The following FHIT variants were observed in gnomAD, a reference collection of about 807,000 sequenced individuals.
The protein encoded by FHIT is bis(5'-adenosyl)-triphosphatase.
In FHIT, 19 loss-of-function variants were observed where a neutral mutation model predicts 17.9. That is an observed-to-expected ratio of 1.06 (90% CI 0.74 to 1.56). The LOEUF (loss-of-function observed/expected upper bound fraction) is 1.56, where lower values mean the gene tolerates loss of function less well. FHIT is among the 40% of genes most tolerant of loss of function. The probability of loss-of-function intolerance (pLI) is 0.00; values close to 1 mark genes in which losing one functional copy is unlikely to be tolerated. For synonymous variants in FHIT, 81 were observed against 69.7 expected, an observed-to-expected ratio of 1.16 and a Z score of -0.81; for missense variants, 248 against 189.2, an observed-to-expected ratio of 1.31 and a Z score of -1.82.
Position 59,803,466 on chromosome 3 carries a change from C to T in FHIT, c.349-51145G>A, listed in dbSNP as rs528968451. On this transcript the variant is annotated intron_variant, in intron 8 of 9. Transcript: ENST00000492590. Reference sequence around the variant, plus strand: ...CAGCTCCTGCTGCATTAACGGTCTCCGAATGTGATTTGGCGGCAGCACGGG... The same window carrying T: ...CAGCTCCTGCTGCATTAACGGTCTCTGAATGTGATTTGGCGGCAGCACGGG... Among the ~76,000 whole-genome samples, 18 of 152,284 alleles carry T rather than the reference C, an allele frequency of 1.2e-4. No homozygotes were observed. The South Asian group carries it at 2.5e-3, about 21-fold the overall frequency.
intron 4 of FHIT, chr3:60,730,070 CA>C: frequency 4.0e-6 from 2 of 502,264 alleles, no homozygotes; most frequent in South Asian, 1.6e-5. Context: ...CTCTGGACTT[CA>C]AAAAATCTCT....
intron 4 of FHIT, among the ~76,000 whole-genome samples, chr3:60,593,834 T>C (rs2038172457): frequency 6.6e-6 from 1 of 152,058 alleles, no homozygotes; most frequent in African/African-American, 2.4e-5. Flanking sequence ...GCCACATGCT[T>C]GGTGGGTCAG....
At position 60,914,530 on chromosome 3, in the gene FHIT, C is replaced by T. The variant is rs184113948; in HGVS notation, c.-110-92519G>A. Among the ~76,000 whole-genome samples the T allele has an allele frequency of 2.7e-4, 41 of 151,458 alleles. No individual in the cohort carries two copies. The South Asian group carries it at 8.4e-3, about 31-fold the overall frequency. ...AAGGTTTTCAAAAAAAAAAAAGGTC[C>T]AATGAAATACACACAAAGGATACAA... On this transcript the variant is annotated intron_variant, in intron 3 of 9. Coordinates refer to ENST00000492590, the MANE Select transcript of FHIT (RefSeq NM_002012.4).
chr3:60,155,963 T>C (rs1427017532), intron 5 of FHIT, among the ~76,000 whole-genome samples: 2 of 152,190 alleles, frequency 1.3e-5, no homozygotes, highest in Non-Finnish European at 2.9e-5. Flanking sequence ...AAAGTAAATA[T>C]AGTTTTAAAA....
intron 2 of FHIT, among the ~76,000 whole-genome samples, chr3:61,108,750 A>C (rs996814373): frequency 6.6e-6 from 1 of 152,168 alleles, no homozygotes; most frequent in Non-Finnish European, 1.5e-5. Flanking sequence ...TCCAAGAGGG[A>C]AAGGATAGGA....
intron 5 of FHIT, among the ~76,000 whole-genome samples, chr3:60,096,899 G>T (rs142023696): frequency 6.6e-6 from 1 of 151,872 alleles, no homozygotes; most frequent in Non-Finnish European, 1.5e-5. Context: ...GAATGGAAAC[G>T]GCCAGGCACA....
chr3:61,021,650 A>G (rs1248686877), intron 3 of FHIT, among the ~76,000 whole-genome samples: 1 of 151,650 alleles, frequency 6.6e-6, no homozygotes, highest in Non-Finnish European at 1.5e-5. Flanking sequence ...ACTGTCTCTC[A>G]GACCAAAGTG....
rs188740786 is a variant in FHIT at position 60,388,113 on chromosome 3, G to A, written c.103+148747C>T. Among the ~76,000 whole-genome samples, 136 of 152,212 alleles carry A rather than the reference G, an allele frequency of 8.9e-4. 1 individual carries two copies. The highest frequency in any genetic ancestry group is 6.8e-3 in the Middle Eastern group (2 of 294). Reference sequence around the variant, plus strand: ...TGTACAGCTTGCAGAACAATGAGCCGAATAAACCCCTTTCTTATAAATTAC... The same window carrying A: ...TGTACAGCTTGCAGAACAATGAGCCAAATAAACCCCTTTCTTATAAATTAC... On this transcript the variant is annotated intron_variant, in intron 5 of 9. Coordinates refer to ENST00000492590, the MANE Select transcript of FHIT (RefSeq NM_002012.4).
intron 5 of FHIT, among the ~76,000 whole-genome samples, chr3:60,019,756 C>A (rs1291141820): frequency 1.3e-5 from 2 of 152,136 alleles, no homozygotes; most frequent in Non-Finnish European, 2.9e-5. Context: ...AATACCTTCA[C>A]TGTCAGATTT....
Position 60,971,426 on chromosome 3 carries a change from T to C in FHIT, c.-111+70621A>G, listed in dbSNP as rs142027308. ...GTCTCAAATGTGATAACCATTTTTATAGGTATTTTGAAATCAAGAGCCAAA... is the reference window on the plus strand; with the variant it reads ...GTCTCAAATGTGATAACCATTTTTACAGGTATTTTGAAATCAAGAGCCAAA... On this transcript the variant is annotated intron_variant, in intron 3 of 9. Coordinates refer to ENST00000492590, the MANE Select transcript of FHIT (RefSeq NM_002012.4). 3.9e-5 allele frequency among the ~76,000 whole-genome samples: 6 copies of C among 152,338 alleles called. No individual in the cohort carries two copies. The East Asian group carries it at 5.8e-4, about 15-fold the overall frequency.
At chr3:59,856,105 G>A (rs1381030090) in intron 8 of FHIT, among the ~76,000 whole-genome samples, 2 of 151,926 alleles carry the variant, frequency 1.3e-5, no homozygotes, top group Non-Finnish European at 2.9e-5. Flanking sequence ...TGACAATATC[G>A]ATTAAAAGAG....
At chr3:61,056,991 G>A (rs2034247806) in intron 2 of FHIT, among the ~76,000 whole-genome samples, 1 of 152,198 alleles carries the variant, frequency 6.6e-6, no homozygotes, top group Non-Finnish European at 1.5e-5. Flanking sequence ...CAGAGTAGGG[G>A]TGGAGTACAT....
chr3:60,926,971 C>T (rs1361285424), intron 3 of FHIT, among the ~76,000 whole-genome samples: 3 of 152,184 alleles, frequency 2.0e-5, no homozygotes, highest in African/African-American at 7.2e-5. Flanking sequence ...CTCCCTCTCC[C>T]TTTCATCTCC....
At chr3:59,993,606 A>G (rs370005973) in intron 7 of FHIT, among the ~76,000 whole-genome samples, 7 of 152,042 alleles carry the variant, frequency 4.6e-5, no homozygotes, top group Admixed American at 3.3e-4. Context: ...TTCTCCACAG[A>G]CAATTAAATG....
chr3:61,097,144 T>C (rs2035667473), intron 2 of FHIT, among the ~76,000 whole-genome samples: 1 of 151,454 alleles, frequency 6.6e-6, no homozygotes, highest in Non-Finnish European at 1.5e-5. Context: ...AGCTCCAGTC[T>C]GTACCTCCCA....
At chr3:59,844,787 A>G (rs1037309426) in intron 8 of FHIT, among the ~76,000 whole-genome samples, 1 of 152,052 alleles carries the variant, frequency 6.6e-6, no homozygotes, top group Non-Finnish European at 1.5e-5. Flanking sequence ...TTTTTTTGCA[A>G]TGTCTTTGTA....
At chr3:61,083,470 G>T (rs1183174676) in intron 2 of FHIT, among the ~76,000 whole-genome samples, 1 of 152,120 alleles carries the variant, frequency 6.6e-6, no homozygotes, top group Non-Finnish European at 1.5e-5. Context: ...GGCGCCTGTA[G>T]TCCCAGCTAC....
chr3:60,027,825 C>T (rs932918733), intron 5 of FHIT, among the ~76,000 whole-genome samples: 1 of 151,986 alleles, frequency 6.6e-6, no homozygotes, highest in African/African-American at 2.4e-5. Flanking sequence ...TAGATCACTG[C>T]CTATAGAGCA....
chr3:59,785,819 G>A (rs1171699090), intron 8 of FHIT, among the ~76,000 whole-genome samples: 3 of 152,164 alleles, frequency 2.0e-5, no homozygotes, highest in Non-Finnish European at 4.4e-5. Context: ...AGGTGGAGTG[G>A]GCAGGAGTAG....
Sources: gnomAD v4.1 joint callset for allele counts (sites outside exome capture counted in the v4.1 genomes callset) on GRCh38, gnomAD v4.1.1 for gene constraint, MANE v1.5 for transcripts, NCBI Gene and HGNC (gene_info 2026-07-23, HGNC 2026-07-21) for gene names.